Variants in CSMD1 observed in about 807,000 individuals in gnomAD.
CSMD1 encodes CUB and Sushi multiple domains 1.
A neutral mutation model predicts 417.5 loss-of-function variants in CSMD1; 213 were observed. The observed-to-expected ratio is 0.51, with a 90% CI of 0.46 to 0.57. The LOEUF is 0.57. CSMD1 is among the 20% of genes least tolerant of loss of function. The pLI, the probability that CSMD1 is intolerant of heterozygous loss-of-function variation, is 0.00. For missense variants in CSMD1, 6,923 were observed against 4,529.7 expected, an observed-to-expected ratio of 1.53 and a Z score of -15.17; for synonymous variants, 2,862 against 1,736.8, an observed-to-expected ratio of 1.65 and a Z score of -16.11.
intron 10 of CSMD1, among the ~76,000 whole-genome samples, chr8:3,527,033 CTGCAGTTGTCG>C (rs1318456453): frequency 6.6e-6 from 1 of 151,972 alleles, no homozygotes; most frequent in Non-Finnish European, 1.5e-5. Context: ...TGTGGCTGGG[CTGCAGTTGTCG>C]TATGCATGCC....
intron 5 of CSMD1, among the ~76,000 whole-genome samples, chr8:3,970,139 A>G (rs991435542): frequency 6.6e-6 from 1 of 152,210 alleles, no homozygotes; most frequent in African/African-American, 2.4e-5. Context: ...CATGCTCTAA[A>G]ATAATCATTT....
At chr8:4,627,089 A>T (rs1802161791) in intron 2 of CSMD1, among the ~76,000 whole-genome samples, 1 of 152,164 alleles carries the variant, frequency 6.6e-6, no homozygotes, top group Non-Finnish European at 1.5e-5. Flanking sequence ...TATAGCATTC[A>T]TTCCCTTTGA....
chr8:2,987,983 C>T (rs937396403), intron 54 of CSMD1, among the ~76,000 whole-genome samples: 10 of 152,126 alleles, frequency 6.6e-5, no homozygotes, highest in African/African-American at 2.4e-4. Context: ...CACCTGTGAA[C>T]CCATCACCTA....
In CSMD1 at chr8:3,934,858, T is replaced by A. The variant is rs989153023; in HGVS notation, c.818+63045A>T. On this transcript the variant is annotated intron_variant, in intron 5 of 69. Transcript: ENST00000635120. Reference sequence around the variant, plus strand: ...CAAGACTCTGTCTCAATAAATAAATTAATTAAATAAAATAAAAACAATTGG... The same window carrying A: ...CAAGACTCTGTCTCAATAAATAAATAAATTAAATAAAATAAAAACAATTGG... Among the ~76,000 whole-genome samples the A allele has an allele frequency of 2.6e-5, 4 of 152,132 alleles. No individual in the cohort carries two copies. The East Asian group carries it at 7.7e-4, about 29-fold the overall frequency.
chr8:4,451,856 G>T (rs766655634), intron 2 of CSMD1, among the ~76,000 whole-genome samples: 7 of 151,726 alleles, frequency 4.6e-5, no homozygotes, highest in Non-Finnish European at 1.0e-4. Context: ...ACTCATTTAT[G>T]CTTTCCCTTT....
intron 5 of CSMD1, among the ~76,000 whole-genome samples, chr8:3,759,617 G>A (rs1041249819): frequency 6.6e-6 from 1 of 152,018 alleles, no homozygotes; most frequent in African/African-American, 2.4e-5. Context: ...TAGGGTGCCA[G>A]GCACAGTGGC....
intron 2 of CSMD1, among the ~76,000 whole-genome samples, chr8:4,504,618 G>A (rs113800719): frequency 1.2e-4 from 18 of 152,144 alleles, no homozygotes; most frequent in Non-Finnish European, 1.6e-4. Flanking sequence ...TTGTCCTAAC[G>A]CTCTCCCTCC....
intron 3 of CSMD1, among the ~76,000 whole-genome samples, chr8:4,145,423 A>T (rs1804052664): frequency 6.6e-6 from 1 of 151,254 alleles, no homozygotes; most frequent in African/African-American, 2.5e-5. Flanking sequence ...AATCTGGGAA[A>T]AGTGACTTAA....
chr8:4,668,662 G>C (rs1297250470), intron 1 of CSMD1, among the ~76,000 whole-genome samples: 2 of 151,802 alleles, frequency 1.3e-5, no homozygotes, highest in African/African-American at 2.4e-5. Flanking sequence ...GTGTTAGCCA[G>C]GATGTTCTCG....
chr8:4,990,219 T>A (rs1423315738), intron 1 of CSMD1, among the ~76,000 whole-genome samples: 1 of 152,198 alleles, frequency 6.6e-6, no homozygotes, highest in Admixed American at 6.5e-5. Flanking sequence ...ACTAACTACA[T>A]GAGTGCTCCA....
chr8:4,605,212 C>T (rs1444743231), intron 2 of CSMD1, among the ~76,000 whole-genome samples: 2 of 152,082 alleles, frequency 1.3e-5, no homozygotes, highest in African/African-American at 4.8e-5. Flanking sequence ...CAACCATGGA[C>T]ACGTTAACTT....
At chr8:4,228,605 T>TTTC (rs1491326364) in intron 3 of CSMD1, among the ~76,000 whole-genome samples, 17 of 150,928 alleles carry the variant, frequency 1.1e-4, no homozygotes, top group Admixed American at 5.3e-4. Flanking sequence ...TTTTTTTTTT[T>TTTC]CCTACCCTCA....
At chr8:3,680,822 T>A (rs1429397141) in intron 7 of CSMD1, among the ~76,000 whole-genome samples, 1 of 152,108 alleles carries the variant, frequency 6.6e-6, no homozygotes, top group African/African-American at 2.4e-5. Context: ...CAGCAGCACA[T>A]CAAAAAGCTT....
chr8:4,341,062 A>G (rs1800449932), intron 3 of CSMD1, among the ~76,000 whole-genome samples: 1 of 152,066 alleles, frequency 6.6e-6, no homozygotes, highest in Non-Finnish European at 1.5e-5. Context: ...TCAACGTAAA[A>G]GGTAAAACTT....
At chr8:3,614,215 A>G (rs1262298260) in intron 8 of CSMD1, among the ~76,000 whole-genome samples, 1 of 152,182 alleles carries the variant, frequency 6.6e-6, no homozygotes, top group Non-Finnish European at 1.5e-5. Context: ...CATATAAACA[A>G]CATAGTGATT....
At chr8:4,852,876 T>C (rs1255034141) in intron 1 of CSMD1, among the ~76,000 whole-genome samples, 1 of 152,164 alleles carries the variant, frequency 6.6e-6, no homozygotes, top group Non-Finnish European at 1.5e-5. Flanking sequence ...TTGCATTGTT[T>C]TCAGGCCCTA....
chr8:4,845,481 C>T lies in CSMD1; in HGVS notation c.85+148851G>A, dbSNP rs909649236. 7.9e-5 allele frequency among the ~76,000 whole-genome samples: 12 copies of T among 152,302 alleles called. No homozygotes were observed. The East Asian group carries it at 1.5e-3, about 20-fold the overall frequency. Reference sequence around the variant, plus strand: ...AAGTGCAATCAGCAAAACATCTGAACGACAATTCACCAATTTTGAAGTCAC... The same window carrying T: ...AAGTGCAATCAGCAAAACATCTGAATGACAATTCACCAATTTTGAAGTCAC... On this transcript the variant is annotated intron_variant, in intron 1 of 69. Transcript: ENST00000635120.
At chr8:4,015,432 C>G (rs1384940096) in intron 4 of CSMD1, among the ~76,000 whole-genome samples, 9 of 152,042 alleles carry the variant, frequency 5.9e-5, no homozygotes, top group Non-Finnish European at 2.9e-5. Flanking sequence ...ATAGAATTGG[C>G]AAGTGACATA....
intron 2 of CSMD1, among the ~76,000 whole-genome samples, chr8:4,524,550 A>G (rs1309577400): frequency 7.8e-6 from 1 of 128,994 alleles, no homozygotes; most frequent in Non-Finnish European, 1.6e-5. Flanking sequence ...TTTCATGACC[A>G]TTTTTCATCA....
Sources: allele counts gnomAD v4.1 joint callset (sites outside exome capture counted in the v4.1 genomes callset), GRCh38; gene constraint gnomAD v4.1.1; transcripts MANE v1.5; gene names NCBI Gene and HGNC (gene_info 2026-07-23, HGNC 2026-07-21).